Variants in SAXO4 observed in about 807,000 individuals in gnomAD.
The protein encoded by SAXO4 is protein phosphatase 1 regulatory subunit 32.
chr11:61,485,947 G>A, the SAXO4 span: 3 of 1,420,588 alleles, frequency 2.1e-6, no homozygotes, highest in South Asian at 1.2e-5. Flanking sequence ...ACTTTAGGGG[G>A]CTTGAAGCCC....
At chr11:61,484,412 G>C in the SAXO4 span, among the ~76,000 whole-genome samples, 2 of 152,186 alleles carry the variant, frequency 1.3e-5, no homozygotes, top group African/African-American at 4.8e-5. Context: ...AACAGCAAGT[G>C]CAAAGGCCTC....
the SAXO4 span, chr11:61,482,298 AC>A: frequency 6.2e-6 from 10 of 1,612,158 alleles, no homozygotes; most frequent in South Asian, 1.1e-4. Flanking sequence ...TCTCCCCGTT[AC>A]CCCTCTGGCA....
chr11:61,488,755 T>C, the SAXO4 span: 1 of 153,208 alleles, frequency 6.5e-6, no homozygotes, highest in East Asian at 1.9e-4. Flanking sequence ...AGACTTTAAC[T>C]GAGCCCTGAC....
At chr11:61,487,172 C>A in the SAXO4 span, 1 of 1,614,032 alleles carries the variant, frequency 6.2e-7, no homozygotes, top group Non-Finnish European at 8.5e-7. Context: ...GCCTTAACAA[C>A]CCCATGTATG....
chr11:61,486,548 G>A, the SAXO4 span: 2 of 1,614,062 alleles, frequency 1.2e-6, no homozygotes, highest in African/African-American at 1.3e-5. Flanking sequence ...ACCTGTGTTG[G>A]CCAGAGGCTC....
At chr11:61,481,791 G>A in the SAXO4 span, 1 of 1,446,852 alleles carries the variant, frequency 6.9e-7, no homozygotes, top group South Asian at 1.4e-5. Context: ...GGCCCCCTGG[G>A]GCCCTGCCCC....
chr11:61,485,668 C>A, the SAXO4 span: 1 of 732,948 alleles, frequency 1.4e-6, no homozygotes, highest in Non-Finnish European at 2.3e-6. Flanking sequence ...CCCTGCCACC[C>A]ACGATCCTCA....
At chr11:61,490,085 T>C in the SAXO4 span, 9 of 840,134 alleles carry the variant, frequency 1.1e-5, no homozygotes, top group African/African-American at 8.6e-5. Context: ...GGCTCTGGTG[T>C]CCCTTCTCCT....
chr11:61,489,057 C>T, the SAXO4 span: 2 of 152,566 alleles, frequency 1.3e-5, no homozygotes, highest in Admixed American at 6.5e-5. Flanking sequence ...TGTCCTCTGG[C>T]CTAAACCCTG....
the SAXO4 span, among the ~76,000 whole-genome samples, chr11:61,488,179 G>T: frequency 6.6e-6 from 1 of 151,772 alleles, no homozygotes; most frequent in Non-Finnish European, 1.5e-5. Context: ...TAGAGATGGG[G>T]TTTCGCCATG....
chr11:61,486,708 T>A, the SAXO4 span: 1 of 1,179,066 alleles, frequency 8.5e-7, no homozygotes, highest in Non-Finnish European at 1.2e-6. Context: ...TGAGAAGAAT[T>A]AGGATATTTA....
chr11:61,485,257 G>C, the SAXO4 span: 5 of 1,261,320 alleles, frequency 4.0e-6, no homozygotes, highest in Non-Finnish European at 5.7e-6. Flanking sequence ...ACAGAGAACC[G>C]AGGCGCCACT....
At chr11:61,484,891 C>A in the SAXO4 span, 1 of 1,494,730 alleles carries the variant, frequency 6.7e-7, no homozygotes, top group Non-Finnish European at 8.9e-7. Context: ...CACCTCAAGA[C>A]AAGTATTGCA....
chr11:61,484,866 C>G, the SAXO4 span: 1 of 1,515,654 alleles, frequency 6.6e-7, no homozygotes, highest in Admixed American at 2.2e-5. Flanking sequence ...AGGGGCCACA[C>G]CCGCCTCTTC....
the SAXO4 span, chr11:61,482,519 C>T: frequency 6.4e-7 from 1 of 1,561,514 alleles, no homozygotes; most frequent in Non-Finnish European, 8.8e-7. Context: ...TTTGCCTGCC[C>T]TAGGCTGGGG....
At chr11:61,482,362 A>G in the SAXO4 span, 3 of 1,614,000 alleles carry the variant, frequency 1.9e-6, no homozygotes, top group African/African-American at 4.0e-5. Flanking sequence ...ACCGGCTACA[A>G]ATCAAATTTC....
chr11:61,486,704 G>A, the SAXO4 span: 1 of 1,246,624 alleles, frequency 8.0e-7, no homozygotes, highest in Non-Finnish European at 1.2e-6. Context: ...AGAATGAGAA[G>A]AATTAGGATA....
At chr11:61,490,820 C>G in the SAXO4 span, 1 of 570,008 alleles carries the variant, frequency 1.8e-6, no homozygotes, top group Non-Finnish European at 3.1e-6. Context: ...ACAGGTTTGT[C>G]AATCCTAGGG....
the SAXO4 span, chr11:61,487,322 C>T: frequency 1.1e-5 from 13 of 1,200,850 alleles, no homozygotes; most frequent in East Asian, 2.3e-5. Flanking sequence ...CTCACAGCCT[C>T]GTGGAGAAGA....
Sources: allele counts gnomAD v4.1 joint callset (sites outside exome capture counted in the v4.1 genomes callset), GRCh38; gene constraint gnomAD v4.1.1; transcripts MANE v1.5; gene names NCBI Gene and HGNC (gene_info 2026-07-23, HGNC 2026-07-21).